Variants in FLT1 observed in about 807,000 individuals in gnomAD.
The protein encoded by FLT1 is fms related receptor tyrosine kinase 1, also known as vascular endothelial growth factor receptor 1.
In FLT1, 49 loss-of-function variants were observed where a neutral mutation model predicts 156.3. The ratio of observed to expected loss-of-function variants is 0.31; its 90% CI spans 0.25 to 0.40. FLT1 has a LOEUF of 0.40. FLT1 is among the 10% of genes least tolerant of loss of function. The probability of loss-of-function intolerance (pLI) is 1.00; values close to 1 mark genes in which losing one functional copy is unlikely to be tolerated. For synonymous variants in FLT1, 594 were observed against 583.8 expected (o/e 1.02, Z -0.25); for missense variants, 1,322 against 1,637.2 (o/e 0.81, Z 3.32).
chr13:28,437,269 C>A lies in FLT1; in HGVS notation c.513+952G>T, dbSNP rs116030205. 4.2e-3 allele frequency among the ~76,000 whole-genome samples: 638 copies of A among 152,302 alleles called. 5 individuals carry two copies. The highest frequency in any genetic ancestry group is 0.014 in the African/African-American group (597 of 41,564). On this transcript the variant is annotated intron_variant, in intron 4 of 29. Transcript: ENST00000282397. ...CTATGTTGAAGGCCTACGTGAGTAA[C>A]AACCCAGGAGAGTGAATGCAAGGAA... is the stretch of plus-strand genomic sequence containing the variant.
At chr13:28,369,511 C>T (rs117542814) in intron 14 of FLT1, among the ~76,000 whole-genome samples, 8,818 of 152,040 alleles carry the variant, frequency 0.058, 348 homozygotes, top group South Asian at 0.12. Flanking sequence ...GATGACAGAA[C>T]GAGACTCCAT....
At chr13:28,494,725 C>T in intron 1 of FLT1, 55 bp downstream of exon 1, 2 of 1,427,530 alleles carry the variant, frequency 1.4e-6, no homozygotes, top group Non-Finnish European at 9.5e-7. Context: ...AGGCTCTGCC[C>T]TCCGGCCGCC....
intron 10 of FLT1, among the ~76,000 whole-genome samples, chr13:28,424,166 C>T (rs983959556): frequency 4.0e-5 from 6 of 151,778 alleles, no homozygotes; most frequent in African/African-American, 9.7e-5. Flanking sequence ...CTCAAACTCC[C>T]GACCTCAGGT....
At chr13:28,327,613 C>T in intron 19 of FLT1, 63 bp from the exon 20 acceptor site, 1 of 1,170,292 alleles carries the variant, frequency 8.5e-7, no homozygotes, top group Non-Finnish European at 1.3e-6. Context: ...ATTTGCCAGC[C>T]TTCAGCCTGC....
chr13:28,469,683 T>C (rs900648971), intron 1 of FLT1, among the ~76,000 whole-genome samples: 1 of 152,258 alleles, frequency 6.6e-6, no homozygotes, highest in East Asian at 1.9e-4. Context: ...GTATATAATT[T>C]CAAAGATACT....
intron 14 of FLT1, among the ~76,000 whole-genome samples, chr13:28,369,607 A>G (rs1873461445): frequency 6.6e-6 from 1 of 152,214 alleles, no homozygotes; most frequent in Admixed American, 6.5e-5. Flanking sequence ...CTGAATGGTG[A>G]CCATGTGGTT....
Position 28,388,975 on chromosome 13 carries a change from C to T in FLT1, c.1969+821G>A, listed in dbSNP as rs77847362. The T allele has an allele frequency of 5.4e-4, 570 of 1,064,888 alleles. 16 individuals carry two copies. The East Asian group carries it at 0.021, about 40-fold the overall frequency. The allele number at this position is 1,064,888 out of a possible 1,614,324, so 66.0% of individuals were successfully genotyped here. On this transcript the variant is annotated intron_variant, in intron 13 of 29. Transcript: ENST00000282397. ...CCTTTGCTAGGCTAGTCTACTGTGG[C>T]ACTAACTGCATAATTACCTGGATCG...
chr13:28,337,548 G>C (rs1224508250), intron 17 of FLT1, among the ~76,000 whole-genome samples: 1 of 152,196 alleles, frequency 6.6e-6, no homozygotes, highest in Non-Finnish European at 1.5e-5. Context: ...ACTCTGTATT[G>C]AAAGACAAAG....
intron 1 of FLT1, among the ~76,000 whole-genome samples, chr13:28,492,915 T>C (rs1881548504): frequency 6.6e-6 from 1 of 151,950 alleles, no homozygotes; most frequent in South Asian, 2.1e-4. Context: ...AGCTTGCCAA[T>C]GTTAGTCCTT....
At position 28,439,490 on chromosome 13, in the gene FLT1, A is replaced by G. The variant is rs1379346654; in HGVS notation, c.389-1145T>C. ...TGGTTGCCCAGACTAGATGGTGGCT[A>G]CAGTGATCATTATGGTAGAACTGTG... On this transcript the variant is annotated intron_variant, in intron 3 of 29. Transcript: ENST00000282397. This position sits in a 1 kb window ranked among gnomAD's most constrained non-coding sequence, Gnocchi z 4.1. Among the ~76,000 whole-genome samples the G allele has an allele frequency of 6.6e-6, 1 of 152,254 alleles. No individual in the cohort carries two copies. The highest frequency in any genetic ancestry group is 1.9e-4 in the East Asian group (1 of 5,202).
chr13:28,319,021 G>A (rs942915658), intron 24 of FLT1, among the ~76,000 whole-genome samples: 2 of 152,192 alleles, frequency 1.3e-5, no homozygotes, highest in African/African-American at 2.4e-5. Context: ...AGCTTGTTAT[G>A]GCCTTTCCTA....
chr13:28,371,915 T>G lies in FLT1; in HGVS notation c.2116+12970A>C, dbSNP rs75415573. Among the ~76,000 whole-genome samples the G allele has an allele frequency of 8.0e-3, 1,220 of 151,596 alleles. 17 individuals are homozygous for G. Among genetic ancestry groups the G allele is most frequent in the African/African-American group, 0.027 (1,132 of 41,272 alleles). On this transcript the variant is annotated intron_variant, in intron 14 of 29. Coordinates refer to ENST00000282397, the MANE Select transcript of FLT1 (RefSeq NM_002019.4). ...TTTGTTAAATTTGTTGCCTGTATTT[T>G]CCCATTAGAATGTAAATTCAAGGTC...
chr13:28,403,804 G>A (rs1196560594), intron 11 of FLT1, among the ~76,000 whole-genome samples: 3 of 152,130 alleles, frequency 2.0e-5, no homozygotes, highest in Non-Finnish European at 4.4e-5. Flanking sequence ...AGAACTTTGG[G>A]AAGCCAAGGC....
intron 14 of FLT1, among the ~76,000 whole-genome samples, chr13:28,379,832 T>C (rs1240232027): frequency 6.6e-6 from 1 of 152,196 alleles, no homozygotes; most frequent in Admixed American, 6.5e-5. Flanking sequence ...ACTGACAGTT[T>C]TTTCCTGAAA....
At chr13:28,410,483 T>C (rs1876097148) in intron 10 of FLT1, among the ~76,000 whole-genome samples, 1 of 152,242 alleles carries the variant, frequency 6.6e-6, no homozygotes, top group Admixed American at 6.5e-5. Context: ...CAGTATAAAA[T>C]TCTCATTTCA....
At position 28,430,065 on chromosome 13, in the gene FLT1, G is replaced by A. The variant is rs137862999; in HGVS notation, c.1091C>T (p.Ser364Leu). The A allele has an allele frequency of 1.6e-5, 26 of 1,610,312 alleles. No homozygotes were observed. The highest frequency in any genetic ancestry group is 5.0e-5 in the Admixed American group (3 of 59,984). The change falls in exon 8 of 30, where the codon TCG (serine) becomes TTG (leucine). Residue 364 changes from serine to leucine, a missense_variant. Around this residue, in one of 3 missense-constraint regions of FLT1, gnomAD observed 991 missense variants for 1,254.8 expected, o/e 0.79. Coordinates refer to ENST00000282397, the MANE Select transcript of FLT1 (RefSeq NM_002019.4). Reference protein sequence around the residue: ...RLSMKVKAFPSPEVVWLKDGL... With the variant: ...RLSMKVKAFPLPEVVWLKDGL... ...ATGGTCCTACCATACAACTTCCGGC[G>A]AGGGAAATGCCTTCACTTTCATAGA...
chr13:28,323,857 T>C (rs1593680633), intron 20 of FLT1, among the ~76,000 whole-genome samples: 1 of 152,196 alleles, frequency 6.6e-6, no homozygotes, highest in East Asian at 1.9e-4. Flanking sequence ...TCAGGTTTCT[T>C]TGGGGAAGGA....
At chr13:28,380,736 A>G (rs1332182618) in intron 14 of FLT1, among the ~76,000 whole-genome samples, 1 of 152,126 alleles carries the variant, frequency 6.6e-6, no homozygotes, top group East Asian at 1.9e-4. Context: ...GTTGTTTGAC[A>G]TTTGAGCTTA....
intron 17 of FLT1, among the ~76,000 whole-genome samples, chr13:28,336,683 G>A (rs1384041903): frequency 4.0e-5 from 6 of 151,750 alleles, no homozygotes; most frequent in Non-Finnish European, 8.8e-5. Flanking sequence ...GCTGTATTAG[G>A]TAATTCTGAC....
Sources: allele counts gnomAD v4.1 joint callset (sites outside exome capture counted in the v4.1 genomes callset), GRCh38; gene constraint gnomAD v4.1.1; regional missense constraint gnomAD v4.1.1; non-coding constraint Gnocchi (gnomAD v3.1); transcripts MANE v1.5; gene names NCBI Gene and HGNC (gene_info 2026-07-23, HGNC 2026-07-21).